The following GALNT13 variants were observed in gnomAD, a reference collection of about 807,000 sequenced individuals.
GALNT13 encodes polypeptide N-acetylgalactosaminyltransferase 13.
In GALNT13, 28 loss-of-function variants were observed where a neutral mutation model predicts 64.2. The observed-to-expected ratio is 0.44, with a 90% CI of 0.32 to 0.60. The LOEUF (loss-of-function observed/expected upper bound fraction) is 0.60, where lower values mean the gene tolerates loss of function less well. Ranked by LOEUF, GALNT13 falls within the 20% of genes least tolerant of loss-of-function variation. The pLI is 0.05. For synonymous variants in GALNT13, 214 were observed against 224.6 expected, an observed-to-expected ratio of 0.95 and a Z score of 0.42; for missense variants, 577 against 669.8, an observed-to-expected ratio of 0.86 and a Z score of 1.53.
intron 2 of GALNT13, among the ~76,000 whole-genome samples, chr2:153,929,954 C>T (rs1690401664): frequency 6.6e-6 from 1 of 152,140 alleles, no homozygotes; most frequent in Non-Finnish European, 1.5e-5. Flanking sequence ...AACTAATTTA[C>T]AGTCTTATTA....
the GALNT13 span, among the ~76,000 whole-genome samples, chr2:153,458,236 A>G: frequency 6.6e-6 from 1 of 150,698 alleles, no homozygotes; most frequent in East Asian, 2.0e-4. Context: ...AAAAAAAATC[A>G]GTAGTTTTTT....
At chr2:154,125,441 T>A (rs1266492073) in intron 3 of GALNT13, among the ~76,000 whole-genome samples, 7 of 152,202 alleles carry the variant, frequency 4.6e-5, no homozygotes, top group Non-Finnish European at 1.0e-4. Context: ...ATTGAATTGA[T>A]CTTTCCCAAA....
At chr2:153,553,455 T>C in the GALNT13 span, among the ~76,000 whole-genome samples, 1 of 152,118 alleles carries the variant, frequency 6.6e-6, no homozygotes, top group African/African-American at 2.4e-5. Context: ...TGAGCCATGA[T>C]TGCACCACTG....
intron 9 of GALNT13, among the ~76,000 whole-genome samples, chr2:154,323,226 C>T (rs1694717747): frequency 6.6e-6 from 1 of 151,294 alleles, no homozygotes; most frequent in South Asian, 2.1e-4. Context: ...AGCTCAGGAG[C>T]TTGAGGCTAC....
the GALNT13 span, among the ~76,000 whole-genome samples, chr2:153,692,335 G>A: frequency 2.6e-5 from 4 of 152,216 alleles, no homozygotes; most frequent in East Asian, 5.8e-4. Context: ...ATACACTTAA[G>A]AGCATTCCAA....
intron 8 of GALNT13, among the ~76,000 whole-genome samples, chr2:154,260,357 G>C (rs529884377): frequency 6.6e-6 from 1 of 152,088 alleles, no homozygotes; most frequent in South Asian, 2.1e-4. Context: ...GTGATGTTGT[G>C]TAAGAAAATG....
the GALNT13 span, among the ~76,000 whole-genome samples, chr2:153,607,946 CAT>C: frequency 6.6e-6 from 1 of 152,046 alleles, no homozygotes; most frequent in Non-Finnish European, 1.5e-5. Flanking sequence ...GCTTGTAGCT[CAT>C]ATATATATGT....
intron 12 of GALNT13, among the ~76,000 whole-genome samples, chr2:154,441,498 T>G (rs796906345): frequency 5.3e-5 from 8 of 152,248 alleles, no homozygotes; most frequent in African/African-American, 1.9e-4. Flanking sequence ...AACTGAAATG[T>G]ACCTTAAAGT....
chr2:153,535,362 A>C, the GALNT13 span, among the ~76,000 whole-genome samples: 1 of 152,176 alleles, frequency 6.6e-6, no homozygotes. Flanking sequence ...TATTTACTTC[A>C]AGAGTTAAGA....
chr2:153,611,292 A>C, the GALNT13 span, among the ~76,000 whole-genome samples: 3 of 152,310 alleles, frequency 2.0e-5, no homozygotes, highest in Non-Finnish European at 4.4e-5. Context: ...CCAACTCAGC[A>C]TACCTAATAC....
At chr2:154,175,444 G>T (rs1029472276) in intron 4 of GALNT13, among the ~76,000 whole-genome samples, 1 of 152,120 alleles carries the variant, frequency 6.6e-6, no homozygotes, top group African/African-American at 2.4e-5. Context: ...TTTCCATACA[G>T]ATACTCAATA....
intron 7 of GALNT13, among the ~76,000 whole-genome samples, chr2:154,246,756 A>G (rs1322461511): frequency 6.6e-6 from 1 of 152,054 alleles, no homozygotes; most frequent in Non-Finnish European, 1.5e-5. Flanking sequence ...ATACCCTAAC[A>G]TTCTAGAAAC....
intron 3 of GALNT13, among the ~76,000 whole-genome samples, chr2:154,010,239 G>A (rs184955544): frequency 6.6e-5 from 10 of 152,166 alleles, no homozygotes; most frequent in Admixed American, 1.3e-4. Flanking sequence ...CTCATAGATG[G>A]CTCTTATTAT....
the GALNT13 span, among the ~76,000 whole-genome samples, chr2:153,620,124 C>T: frequency 2.9e-4 from 44 of 151,634 alleles, no homozygotes; most frequent in Non-Finnish European, 5.7e-4. Context: ...ATTCTGTAGG[C>T]ATTTATTTTT....
At chr2:153,526,327 A>C in the GALNT13 span, among the ~76,000 whole-genome samples, 1 of 152,230 alleles carries the variant, frequency 6.6e-6, no homozygotes, top group Non-Finnish European at 1.5e-5. Context: ...ATTAATCCAC[A>C]CCCAGCTTCA....
chr2:154,060,180 C>T (rs541208882), intron 3 of GALNT13, among the ~76,000 whole-genome samples: 12 of 152,174 alleles, frequency 7.9e-5, no homozygotes, highest in African/African-American at 1.7e-4. Flanking sequence ...GCTCCTTGAT[C>T]GTGGATTTTC....
intron 3 of GALNT13, among the ~76,000 whole-genome samples, chr2:154,059,691 G>T (rs1277725984): frequency 1.3e-5 from 2 of 151,024 alleles, no homozygotes; most frequent in African/African-American, 2.4e-5. Context: ...CTAATAGTTG[G>T]ATTTTTGTAA....
intron 3 of GALNT13, among the ~76,000 whole-genome samples, chr2:153,963,739 G>C (rs200371520): frequency 0.064 from 7,081 of 110,958 alleles, 441 homozygotes; most frequent in East Asian, 0.38. Context: ...CTCTGTGTGT[G>C]TGTGTGTGTG....
At chr2:153,310,674 G>C in the GALNT13 span, among the ~76,000 whole-genome samples, 1 of 152,028 alleles carries the variant, frequency 6.6e-6, no homozygotes, top group Non-Finnish European at 1.5e-5. Context: ...TATCAATAAG[G>C]CTTCTAGTCA....
Sources: allele counts gnomAD v4.1 joint callset (sites outside exome capture counted in the v4.1 genomes callset), GRCh38; gene constraint gnomAD v4.1.1; transcripts MANE v1.5; gene names NCBI Gene and HGNC (gene_info 2026-07-23, HGNC 2026-07-21).